Variants in BMPR1B observed in about 807,000 individuals in gnomAD.
BMPR1B encodes the protein bone morphogenetic protein receptor type 1B, also known as bone morphogenetic protein receptor type-1B.
Under a neutral mutation model 59.1 loss-of-function variants are expected in BMPR1B, and 12 were observed. That is an observed-to-expected ratio of 0.20 (90% CI 0.13 to 0.33). The LOEUF (loss-of-function observed/expected upper bound fraction) is 0.33, where lower values mean the gene tolerates loss of function less well. Ranked by LOEUF, BMPR1B falls within the 10% of genes least tolerant of loss-of-function variation. The pLI is 1.00. For missense variants in BMPR1B, 550 were observed against 610.9 expected (o/e 0.90, Z 1.05); for synonymous variants, 237 against 207.3 (o/e 1.14, Z -1.23).
At chr4:95,065,514 A>G (rs1003052304) in intron 3 of BMPR1B, among the ~76,000 whole-genome samples, 3 of 152,206 alleles carry the variant, frequency 2.0e-5, no homozygotes, top group Non-Finnish European at 4.4e-5. Flanking sequence ...ATAGTGCAGA[A>G]TAAGGGAGGT....
chr4:94,835,272 G>A (rs1033290852), intron 1 of BMPR1B, among the ~76,000 whole-genome samples: 1 of 152,054 alleles, frequency 6.6e-6, no homozygotes, highest in Non-Finnish European at 1.5e-5. Flanking sequence ...CGAGCTCAAG[G>A]GATCCTCCTG....
At chr4:94,967,388 G>A (rs754821708) in intron 2 of BMPR1B, among the ~76,000 whole-genome samples, 1 of 152,074 alleles carries the variant, frequency 6.6e-6, no homozygotes, top group Non-Finnish European at 1.5e-5. Context: ...CACATTTATT[G>A]TAAAGTAACT....
At position 95,148,766 on chromosome 4, in the gene BMPR1B, C is replaced by A. The variant is rs1456285512; in HGVS notation, c.1095C>A (p.Asp365Glu). ...TCCTTAGTGATACAAATGAAGTTGA[C>A]ATACCACCTAACACTCGAGTTGGCA... The part of the protein sequence containing the change: ...VKFISDTNEV[D>E]IPPNTRVGTK... Residue 365 changes from aspartate (D) to glutamate (E), a missense_variant, in exon 11 of 13, where the codon GAC (aspartate) becomes GAA (glutamate). Asp to Glu is a conservative substitution (Grantham distance 45). This residue lies in a region of BMPR1B where 318 missense variants were observed against 284.6 expected (regional missense o/e 1.12). Coordinates refer to ENST00000515059, the MANE Select transcript of BMPR1B (RefSeq NM_001203.3). The A allele has an allele frequency of 6.2e-7, 1 of 1,613,956 alleles. No homozygotes were observed. Among genetic ancestry groups the A allele is most frequent in the South Asian group, 1.1e-5 (1 of 91,076 alleles).
rs1306476213 is a variant in BMPR1B, at chr4:94,837,478, C to A, written c.-182-38353C>A. 1.4e-5 allele frequency among the ~76,000 whole-genome samples: 2 copies of A among 144,418 alleles called. 1 individual carries two copies. The highest frequency in any genetic ancestry group is 3.1e-5 in the Non-Finnish European group (2 of 65,138). The allele number at this position is 144,418 out of a possible 152,430, so 94.7% of individuals were successfully genotyped here. ...CTCCTTGAAGAGGTCCTTCACATCC[C>A]TTGGAAGTTGGATTCCTGGGTATTT... On this transcript the variant is annotated intron_variant, in intron 1 of 12. Coordinates refer to ENST00000515059, the MANE Select transcript of BMPR1B (RefSeq NM_001203.3).
intron 2 of BMPR1B, among the ~76,000 whole-genome samples, chr4:94,900,787 CA>C (rs914046533): frequency 7.9e-5 from 12 of 151,598 alleles, no homozygotes; most frequent in African/African-American, 2.9e-4. Context: ...AATAACTTAC[CA>C]AAAAAGGGTA....
chr4:95,100,471 C>T (rs575818311), intron 3 of BMPR1B, among the ~76,000 whole-genome samples: 19 of 151,778 alleles, frequency 1.3e-4, no homozygotes, highest in Non-Finnish European at 2.5e-4. Flanking sequence ...CTCACTTTTC[C>T]TCTCTATAAA....
intron 10 of BMPR1B, among the ~76,000 whole-genome samples, chr4:95,138,766 T>G (rs1317118860): frequency 6.6e-6 from 1 of 152,238 alleles, no homozygotes; most frequent in African/African-American, 2.4e-5. Context: ...ATCAAGTCAT[T>G]TAAGATCTTC....
intron 1 of BMPR1B, among the ~76,000 whole-genome samples, chr4:94,821,970 G>A (rs1164333761): frequency 1.3e-5 from 2 of 152,150 alleles, no homozygotes; most frequent in Non-Finnish European, 2.9e-5. Context: ...ATTCTGTTTT[G>A]GTGATTGTTT....
intron 12 of BMPR1B, 51 bp downstream of exon 12, chr4:95,152,824 T>C: frequency 6.3e-7 from 1 of 1,595,250 alleles, no homozygotes; most frequent in Non-Finnish European, 8.5e-7. Context: ...AATAGACTTT[T>C]CTTTTTTAGC....
chr4:95,148,911 T>C lies in BMPR1B; in HGVS notation c.1240T>C (p.Cys414Arg), dbSNP rs980823830. ...CATCCTTTGGGAGGTTGCTAGGAGA[T>C]GTGTATCAGGAGGTAAGAAACAGTG... is the stretch of plus-strand genomic sequence containing the variant. The part of the protein sequence containing the change: ...GLILWEVARR[C>R]VSGGIVEEYQ... Residue 414 changes from cysteine to arginine, a missense_variant, in exon 11 of 13, where the codon TGT (cysteine) becomes CGT (arginine). Physicochemically the swap from Cys to Arg is radical, Grantham distance 180 (BLOSUM62 -3). This residue lies in a region of BMPR1B where 123 missense variants were observed against 164.6 expected (regional missense o/e 0.75). Coordinates refer to ENST00000515059, the MANE Select transcript of BMPR1B (RefSeq NM_001203.3). 1 of 1,613,822 alleles carries C rather than the reference T, an allele frequency of 6.2e-7. No homozygotes were observed. The highest frequency in any genetic ancestry group is 1.3e-5 in the African/African-American group (1 of 74,898).
chr4:94,861,623 C>T (rs1725981068), intron 1 of BMPR1B, among the ~76,000 whole-genome samples: 1 of 152,100 alleles, frequency 6.6e-6, no homozygotes, highest in Non-Finnish European at 1.5e-5. Flanking sequence ...AAAACATATA[C>T]ATATATGACC....
At chr4:95,044,776 G>GGGGAGGC (rs1383452922) in intron 3 of BMPR1B, among the ~76,000 whole-genome samples, 1 of 152,162 alleles carries the variant, frequency 6.6e-6, no homozygotes, top group Non-Finnish European at 1.5e-5. Flanking sequence ...AGAACGGGGT[G>GGGGAGGC]GGGAGGCAGG....
intron 1 of BMPR1B, among the ~76,000 whole-genome samples, chr4:94,797,188 A>G (rs1723227830): frequency 6.6e-6 from 1 of 152,336 alleles, no homozygotes; most frequent in East Asian, 1.9e-4. Flanking sequence ...CGTGAGACTT[A>G]TTCACTATTA....
At chr4:94,890,868 T>G (rs191669251) in intron 2 of BMPR1B, among the ~76,000 whole-genome samples, 2 of 151,902 alleles carry the variant, frequency 1.3e-5, no homozygotes, top group Non-Finnish European at 2.9e-5. Flanking sequence ...TACCATCACA[T>G]TGGGGGTTAG....
At chr4:94,896,381 T>C (rs1260795307) in intron 2 of BMPR1B, among the ~76,000 whole-genome samples, 1 of 152,032 alleles carries the variant, frequency 6.6e-6, no homozygotes, top group Non-Finnish European at 1.5e-5. Context: ...ATTTGAGAGA[T>C]GACTTTATGT....
At chr4:95,110,014 C>T (rs1579093794) in intron 4 of BMPR1B, among the ~76,000 whole-genome samples, 1 of 152,012 alleles carries the variant, frequency 6.6e-6, no homozygotes. Flanking sequence ...AGGAATAACT[C>T]TCCTCTTGTA....
intron 2 of BMPR1B, among the ~76,000 whole-genome samples, chr4:94,917,142 C>A (rs999703185): frequency 6.6e-6 from 1 of 152,230 alleles, no homozygotes; most frequent in Non-Finnish European, 1.5e-5. Flanking sequence ...CCTGGATGTC[C>A]AGGCAGAGGC....
intron 3 of BMPR1B, among the ~76,000 whole-genome samples, chr4:95,001,810 G>A (rs1037421408): frequency 1.3e-5 from 2 of 151,990 alleles, no homozygotes; most frequent in Non-Finnish European, 1.5e-5. Flanking sequence ...AAACAAGTTT[G>A]TTTTGTACCT....
chr4:94,870,234 T>C (rs1726427710), intron 1 of BMPR1B, among the ~76,000 whole-genome samples: 1 of 152,198 alleles, frequency 6.6e-6, no homozygotes, highest in Admixed American at 6.5e-5. Context: ...TTTCTTGCAC[T>C]AAACTTGGAA....
Sources: allele counts gnomAD v4.1 joint callset (sites outside exome capture counted in the v4.1 genomes callset), GRCh38; gene constraint gnomAD v4.1.1; regional missense constraint gnomAD v4.1.1; transcripts MANE v1.5; gene names NCBI Gene and HGNC (gene_info 2026-07-23, HGNC 2026-07-21).